Variants in TMEM63C observed in about 807,000 individuals in gnomAD.
The protein encoded by TMEM63C is transmembrane protein 63C.
A neutral mutation model predicts 99.2 loss-of-function variants in TMEM63C; 32 were observed. The ratio of observed to expected loss-of-function variants is 0.32; its 90% CI spans 0.24 to 0.43. The LOEUF (loss-of-function observed/expected upper bound fraction) is 0.43, where lower values mean the gene tolerates loss of function less well. Ranked by LOEUF, TMEM63C falls within the 20% of genes least tolerant of loss-of-function variation. TMEM63C has a pLI of 1.00. For synonymous variants in TMEM63C, 376 were observed against 397.9 expected (o/e 0.94, Z 0.66); for missense variants, 826 against 1,053.0 (o/e 0.78, Z 2.98).
intron 1 of TMEM63C, among the ~76,000 whole-genome samples, chr14:77,192,350 C>A (rs1373326570): frequency 6.6e-6 from 1 of 152,128 alleles, no homozygotes; most frequent in Non-Finnish European, 1.5e-5. Context: ...GGCAACTTAT[C>A]CTAGGTCCAG....
intron 1 of TMEM63C, among the ~76,000 whole-genome samples, chr14:77,203,042 T>G (rs867923747): frequency 5.3e-5 from 8 of 152,220 alleles, no homozygotes; most frequent in South Asian, 4.1e-4. Context: ...TTGTTTTGTT[T>G]TGTTCAAAAC....
intron 23 of TMEM63C, among the ~76,000 whole-genome samples, chr14:77,254,137 G>A: frequency 6.6e-6 from 1 of 152,234 alleles, no homozygotes; most frequent in East Asian, 1.9e-4. Flanking sequence ...AGGTGAAGTA[G>A]GGTGTGGGGC....
At chr14:77,211,065 G>T (rs1324129166) in intron 1 of TMEM63C, among the ~76,000 whole-genome samples, 1 of 152,236 alleles carries the variant, frequency 6.6e-6, no homozygotes, top group African/African-American at 2.4e-5. Context: ...CGTAGTGGCT[G>T]CAGATCCAGC....
chr14:77,184,619 T>C (rs947174080), intron 1 of TMEM63C, among the ~76,000 whole-genome samples: 6 of 152,232 alleles, frequency 3.9e-5, no homozygotes, highest in African/African-American at 1.4e-4. Flanking sequence ...TCAGAGGAAG[T>C]GCTCAGCTTC....
At chr14:77,196,430 G>A (rs183421502) in intron 1 of TMEM63C, among the ~76,000 whole-genome samples, 1 of 152,334 alleles carries the variant, frequency 6.6e-6, no homozygotes, top group African/African-American at 2.4e-5. Context: ...ACCCCATTCT[G>A]AAGGGCGCTG....
chr14:77,256,436 G>A (rs1889461860), intron 23 of TMEM63C, 90 bp from the exon 24 acceptor site: 11 of 1,316,958 alleles, frequency 8.4e-6, no homozygotes, highest in Middle Eastern at 2.3e-4. Flanking sequence ...AGACAGAGGC[G>A]ATGGGGGTGG....
chr14:77,233,548 T>G (rs1594863291), intron 8 of TMEM63C, 48 bp downstream of exon 8: 1 of 1,597,116 alleles, frequency 6.3e-7, no homozygotes. Context: ...GGGGTGTTGG[T>G]GTGGAGAGGA....
At chr14:77,256,190 C>T (rs557728330) in intron 23 of TMEM63C, among the ~76,000 whole-genome samples, 1 of 152,358 alleles carries the variant, frequency 6.6e-6, no homozygotes, top group Non-Finnish European at 1.5e-5. Context: ...AAGAGGGTCT[C>T]TCCAGACCTC....
At chr14:77,243,799 C>CGCAT (rs1353369276) in intron 15 of TMEM63C, among the ~76,000 whole-genome samples, 7 of 152,118 alleles carry the variant, frequency 4.6e-5, no homozygotes, top group Non-Finnish European at 8.8e-5. Flanking sequence ...TCAACACACA[C>CGCAT]GCATGCACAC....
chr14:77,192,883 G>A (rs56040930), intron 1 of TMEM63C, among the ~76,000 whole-genome samples: 36,785 of 152,066 alleles, frequency 0.24, 5,341 homozygotes, highest in Admixed American at 0.38. Flanking sequence ...ACAACAGGAG[G>A]AAGGAGAAGA....
chr14:77,189,732 G>C (rs1478818974), intron 1 of TMEM63C, among the ~76,000 whole-genome samples: 5 of 152,226 alleles, frequency 3.3e-5, no homozygotes, highest in Non-Finnish European at 7.3e-5. Flanking sequence ...GTCAGGAAAG[G>C]GTCCAAGAGG....
At chr14:77,214,248 T>C (rs920153265) in intron 2 of TMEM63C, among the ~76,000 whole-genome samples, 47 of 152,328 alleles carry the variant, frequency 3.1e-4, no homozygotes, top group African/African-American at 1.1e-3. Context: ...AAGTGGGTAC[T>C]AATGGCTGTT....
intron 9 of TMEM63C, 41 bp downstream of exon 9, chr14:77,236,773 G>T (rs748046354): frequency 2.8e-6 from 4 of 1,433,108 alleles, no homozygotes; most frequent in Admixed American, 1.7e-5. Flanking sequence ...TGGGAAGCTG[G>T]GGTCCCTCCC....
chr14:77,199,911 G>A (rs1888272012), intron 1 of TMEM63C, among the ~76,000 whole-genome samples: 1 of 152,198 alleles, frequency 6.6e-6, no homozygotes. Context: ...AAACTAAAAT[G>A]TAGGTGAGAG....
chr14:77,238,407 C>T (rs1374899045), intron 9 of TMEM63C, among the ~76,000 whole-genome samples: 3 of 152,196 alleles, frequency 2.0e-5, no homozygotes, highest in East Asian at 1.9e-4. Flanking sequence ...CACAGCAGTC[C>T]GGAGCAGGGC....
chr14:77,210,626 GA>G (rs1445353192), intron 1 of TMEM63C, among the ~76,000 whole-genome samples: 1 of 152,088 alleles, frequency 6.6e-6, no homozygotes, highest in African/African-American at 2.4e-5. Context: ...ACCTCACTGA[GA>G]GGGGGTCCCT....
At position 77,246,030 on chromosome 14, in the gene TMEM63C, C is replaced by A. The variant is rs1889264010; in HGVS notation, c.1535+4C>A. 1.9e-6 allele frequency: 3 copies of A among 1,607,512 alleles called. No homozygotes were observed. The highest frequency in any genetic ancestry group is 2.6e-6 in the Non-Finnish European group (3 of 1,173,994). ...TGCCCTCTATGGGACTGACCAGGTA[C>A]CTCACTTCCAATTATCCCTTCCTTC... On this transcript the variant is annotated splice_donor_region_variant and intron_variant, in intron 17 of 23. Coordinates refer to ENST00000298351, the MANE Select transcript of TMEM63C (RefSeq NM_020431.4).
At chr14:77,243,174 C>A (rs1729779956) in intron 15 of TMEM63C, 118 bp downstream of exon 15, 2 of 1,238,500 alleles carry the variant, frequency 1.6e-6, no homozygotes, top group African/African-American at 3.1e-5. Flanking sequence ...ACAGTGCGAA[C>A]ATTGTGGAGG....
At position 77,246,688 on chromosome 14, in the gene TMEM63C, T is replaced by C. The variant is rs1244009294; in HGVS notation, c.1601+14T>C. 3 of 1,607,700 alleles carry C rather than the reference T, an allele frequency of 1.9e-6. No homozygotes were observed. Among genetic ancestry groups the C allele is most frequent in the Admixed American group, 3.3e-5 (2 of 59,880 alleles). On this transcript the variant is annotated intron_variant, in intron 18 of 23. Coordinates refer to ENST00000298351, the MANE Select transcript of TMEM63C (RefSeq NM_020431.4). ...CATCAGGTTCCAGTGAGTACTCCCA[T>C]GTGTCCACCAGGGCTGCTGTGTGTG...
Sources: gnomAD v4.1 joint callset for allele counts (sites outside exome capture counted in the v4.1 genomes callset) on GRCh38, gnomAD v4.1.1 for gene constraint, MANE v1.5 for transcripts, NCBI Gene and HGNC (gene_info 2026-07-23, HGNC 2026-07-21) for gene names.